Variants in CGNL1 observed in about 807,000 individuals in gnomAD.
The protein encoded by CGNL1 is cingulin-like protein 1.
CGNL1 carries 132 observed loss-of-function variants against 141.2 expected under a neutral mutation model. That is an observed-to-expected ratio of 0.93 (90% CI 0.81 to 1.08). The LOEUF (loss-of-function observed/expected upper bound fraction) is 1.08, where lower values mean the gene tolerates loss of function less well. CGNL1 is among the 50% of genes least tolerant of loss of function. CGNL1 has a pLI of 0.00. For missense variants in CGNL1, 1,870 were observed against 1,588.6 expected (o/e 1.18, Z -3.01); for synonymous variants, 690 against 622.1 (o/e 1.11, Z -1.63).
At position 57,477,671 on chromosome 15, in the gene CGNL1, C is replaced by T. The variant is rs114340128; in HGVS notation, c.2403+15779C>T. 326 of 152,436 alleles carry T rather than the reference C, an allele frequency of 2.1e-3. 6 individuals are homozygous for T. The highest frequency in any genetic ancestry group is 7.6e-3 in the African/African-American group (315 of 41,574). 9.4% of individuals were successfully genotyped at this position (152,436 alleles called of 1,614,324 possible). A position where few individuals can be genotyped will look rare whatever the true frequency, so the allele number is the denominator to read the frequency against. On this transcript the variant is annotated intron_variant, in intron 8 of 18. Transcript: ENST00000281282. ...TGACTTTTTGTGAGAAGAAGCCTTC[C>T]ATGGCTCCTTTGCTGCTTGGTTTTG...
intron 1 of CGNL1, among the ~76,000 whole-genome samples, chr15:57,379,164 G>A (rs2062399217): frequency 6.6e-6 from 1 of 152,062 alleles, no homozygotes; most frequent in African/African-American, 2.4e-5. Context: ...GCTTATTCGA[G>A]GATGCTGTTG....
chr15:57,475,272 C>T lies in CGNL1; in HGVS notation c.2403+13380C>T, dbSNP rs576600812. Among the ~76,000 whole-genome samples, 3 of 152,350 alleles carry T rather than the reference C, an allele frequency of 2.0e-5. No individual in the cohort carries two copies. In the East Asian group the frequency reaches 5.8e-4, roughly 29 times the overall value. On this transcript the variant is annotated intron_variant, in intron 8 of 18. Coordinates refer to ENST00000281282, the MANE Select transcript of CGNL1 (RefSeq NM_032866.5). The stretch of plus-strand genomic sequence containing the variant: ...CCCACCTGCCTTTGCAACCCTGGCC[C>T]TCACTGTTGTCCCTGGTGAGCTTGG...
rs748369364 is a variant in CGNL1 at position 57,452,212 on chromosome 15, C to A, written c.1977C>A (p.Asn659Lys). The A allele has an allele frequency of 1.9e-6, 3 of 1,613,714 alleles. No homozygotes were observed. The highest frequency in any genetic ancestry group is 1.7e-6 in the Non-Finnish European group (2 of 1,179,908). The change falls in exon 6 of 19, where the codon AAC becomes AAA. Residue 659 changes from asparagine to lysine, a missense_variant. By Grantham distance (94) the Asn-to-Lys change is moderately conservative. Coordinates refer to ENST00000281282, the MANE Select transcript of CGNL1 (RefSeq NM_032866.5). Reference sequence around the variant, plus strand: ...TAGAAGAGCTCCGAAGCCAACACAACGAAAAGGTGGAGGAGAACTCCACAT... The same window carrying A: ...TAGAAGAGCTCCGAAGCCAACACAAAGAAAAGGTGGAGGAGAACTCCACAT... Reference protein sequence around the residue: ...ANLEELRSQHNEKVEENSTLQ... With the variant: ...ANLEELRSQHKEKVEENSTLQ...
intron 1 of CGNL1, among the ~76,000 whole-genome samples, chr15:57,429,260 T>G (rs1191758974): frequency 1.3e-5 from 2 of 152,166 alleles, no homozygotes; most frequent in African/African-American, 4.8e-5. Flanking sequence ...AGACTCCACT[T>G]GACTTGGGGG....
At chr15:57,476,421 T>A (rs2063658352) in intron 8 of CGNL1, among the ~76,000 whole-genome samples, 1 of 152,250 alleles carries the variant, frequency 6.6e-6, no homozygotes, top group South Asian at 2.1e-4. Context: ...TAGTTTTACC[T>A]TAGACAGCTA....
intron 1 of CGNL1, among the ~76,000 whole-genome samples, chr15:57,401,581 T>C (rs1439129225): frequency 6.6e-6 from 1 of 152,216 alleles, no homozygotes; most frequent in Admixed American, 6.5e-5. Context: ...CAAAACAGCT[T>C]CAACCTGATG....
intron 7 of CGNL1, among the ~76,000 whole-genome samples, chr15:57,454,165 T>G (rs1482737595): frequency 1.3e-5 from 2 of 152,182 alleles, no homozygotes; most frequent in Non-Finnish European, 2.9e-5. Flanking sequence ...AGGACTTTTA[T>G]CTCTGCACCC....
chr15:57,438,698 G>C lies in CGNL1; in HGVS notation c.699G>C (p.Val233=). ...VIEDPKKQTS[V]CVNVQSCTKE... ...AGGACCCCAAAAAGCAGACCTCAGTGTGTGTAAACGTTCAGAGCTGCACCA... is the reference window on the plus strand; with the variant it reads ...AGGACCCCAAAAAGCAGACCTCAGTCTGTGTAAACGTTCAGAGCTGCACCA... The change falls in exon 2 of 19, where the codon GTG becomes GTC. Residue 233 remains valine (V), a synonymous_variant. Coordinates refer to ENST00000281282, the MANE Select transcript of CGNL1 (RefSeq NM_032866.5). 1 of 1,614,186 alleles carries C rather than the reference G, an allele frequency of 6.2e-7. No homozygotes were observed. Among genetic ancestry groups the C allele is most frequent in the Non-Finnish European group, 8.5e-7 (1 of 1,180,040 alleles).
chr15:57,409,304 T>C (rs1275053996), intron 1 of CGNL1, among the ~76,000 whole-genome samples: 1 of 152,178 alleles, frequency 6.6e-6, no homozygotes, highest in East Asian at 1.9e-4. Context: ...GGGAGGCACA[T>C]GGGCTGGAGA....
intron 8 of CGNL1, among the ~76,000 whole-genome samples, chr15:57,509,610 G>T (rs1304844450): frequency 1.3e-5 from 2 of 152,192 alleles, no homozygotes; most frequent in African/African-American, 4.8e-5. Flanking sequence ...TGTTTCTCCA[G>T]GGGCCAGTGT....
chr15:57,438,906 C>A lies in CGNL1; in HGVS notation c.907C>A (p.Pro303Thr). Residue 303 changes from proline (P) to threonine (T), a missense_variant, in exon 2 of 19, where the codon CCC (proline) becomes ACC (threonine). Coordinates refer to ENST00000281282, the MANE Select transcript of CGNL1 (RefSeq NM_032866.5). ...GAGGTCCTCCTCGTCATCCACAACT[C>A]CCACGTCAGCCAACTCTTTGTACAG... is the stretch of plus-strand genomic sequence containing the variant. The part of the protein sequence containing the change: ...SRRSSSSSTT[P>T]TSANSLYRFL... 1 of 1,614,222 alleles carries A rather than the reference C, an allele frequency of 6.2e-7. No homozygotes were observed. Among genetic ancestry groups the A allele is most frequent in the South Asian group, 1.1e-5 (1 of 91,084 alleles).
At chr15:57,445,916 T>G (rs779651802) in intron 4 of CGNL1, among the ~76,000 whole-genome samples, 5 of 152,198 alleles carry the variant, frequency 3.3e-5, no homozygotes, top group Non-Finnish European at 7.3e-5. Context: ...ATCAGAGAGA[T>G]AATATTTTGT....
chr15:57,440,520 G>T, intron 3 of CGNL1, 49 bp downstream of exon 3: 2 of 1,377,698 alleles, frequency 1.5e-6, no homozygotes, highest in Non-Finnish European at 2.0e-6. Flanking sequence ...TTTCTGGTGG[G>T]ACTCTTAATT....
intron 1 of CGNL1, among the ~76,000 whole-genome samples, chr15:57,401,861 C>T (rs1466487958): frequency 6.6e-6 from 1 of 152,164 alleles, no homozygotes; most frequent in African/African-American, 2.4e-5. Context: ...GCCTCCCCTT[C>T]TCCTGTTGAT....
chr15:57,409,895 G>C lies in CGNL1; in HGVS notation c.-15-28090G>C, dbSNP rs556468955. Among the ~76,000 whole-genome samples, 8 of 152,336 alleles carry C rather than the reference G, an allele frequency of 5.3e-5. No individual in the cohort carries two copies. The South Asian group carries it at 1.7e-3, about 32-fold the overall frequency. On this transcript the variant is annotated intron_variant, in intron 1 of 18. Coordinates refer to ENST00000281282, the MANE Select transcript of CGNL1 (RefSeq NM_032866.5). The stretch of plus-strand genomic sequence containing the variant: ...AAAAATCAAGTGGGAAGGGAATGAA[G>C]AACAGGAATTTCTCTGCAGAGCATC...
chr15:57,491,920 G>A (rs1200129106), intron 8 of CGNL1, among the ~76,000 whole-genome samples: 2 of 151,948 alleles, frequency 1.3e-5, no homozygotes, highest in Admixed American at 6.6e-5. Context: ...AAACTGTTAC[G>A]GTCATCAAAA....
chr15:57,536,231 T>C (rs1253207263), intron 14 of CGNL1, among the ~76,000 whole-genome samples: 2 of 152,166 alleles, frequency 1.3e-5, no homozygotes, highest in Non-Finnish European at 2.9e-5. Context: ...CCTACCCCCG[T>C]GATTCAGTTA....
At chr15:57,394,363 G>T (rs988600071) in intron 1 of CGNL1, among the ~76,000 whole-genome samples, 1 of 152,046 alleles carries the variant, frequency 6.6e-6, no homozygotes, top group Non-Finnish European at 1.5e-5. Context: ...GACTTCAGGT[G>T]ATCCACCTGC....
rs76132795 is a variant in CGNL1 at position 57,473,445 on chromosome 15, A to G, written c.2403+11553A>G. On this transcript the variant is annotated intron_variant, in intron 8 of 18. Coordinates refer to ENST00000281282, the MANE Select transcript of CGNL1 (RefSeq NM_032866.5). ...AGGAATACCTACAGTGGCAAAGTTA[A>G]TCAGAGTGCATAAGGCATTTACAGT... Among the ~76,000 whole-genome samples the G allele has an allele frequency of 3.4e-3, 521 of 152,356 alleles. 2 individuals are homozygous for G. Among genetic ancestry groups the G allele is most frequent in the African/African-American group, 0.012 (488 of 41,588 alleles).
Sources: gnomAD v4.1 joint callset for allele counts (sites outside exome capture counted in the v4.1 genomes callset) on GRCh38, gnomAD v4.1.1 for gene constraint, MANE v1.5 for transcripts, NCBI Gene and HGNC (gene_info 2026-07-23, HGNC 2026-07-21) for gene names.